ABAT: variants seen among roughly 807,000 people sequenced by gnomAD.
The protein encoded by ABAT is 4-aminobutyrate aminotransferase, mitochondrial.
ABAT carries 45 observed loss-of-function variants against 64.6 expected under a neutral mutation model. That is an observed-to-expected ratio of 0.70 (90% CI 0.55 to 0.89). The LOEUF is 0.89. Among genes scored for constraint, ABAT ranks in the 40% least tolerant of loss-of-function variants. The pLI is 0.00. For missense variants in ABAT, 633 were observed against 658.4 expected (o/e 0.96, Z 0.42); for synonymous variants, 297 against 250.5 (o/e 1.19, Z -1.75).
At chr16:8,742,927 G>A (rs914051923) in intron 2 of ABAT, among the ~76,000 whole-genome samples, 7 of 146,956 alleles carry the variant, frequency 4.8e-5, no homozygotes, top group Admixed American at 3.4e-4. Flanking sequence ...TCCTAGCTAC[G>A]TGGGAGGCTG....
intron 1 of ABAT, among the ~76,000 whole-genome samples, chr16:8,708,362 T>C (rs946764577): frequency 1.3e-5 from 2 of 152,134 alleles, no homozygotes; most frequent in African/African-American, 4.8e-5. Flanking sequence ...TCTTTCTGCC[T>C]CAGCCTCCCA....
At chr16:8,714,516 T>G (rs1260007708) in intron 1 of ABAT, 4 of 152,282 alleles carry the variant, frequency 2.6e-5, no homozygotes, top group African/African-American at 9.6e-5. Flanking sequence ...TTTTGAATTT[T>G]TTCCCAGAAG....
chr16:8,776,449 C>T lies in ABAT; in HGVS notation c.1228C>T (p.His410Tyr), dbSNP rs1334817628. 2 of 1,614,076 alleles carry T rather than the reference C, an allele frequency of 1.2e-6. No individual in the cohort carries two copies. The highest frequency in any genetic ancestry group is 1.3e-5 in the African/African-American group (1 of 74,926). Residue 410 changes from histidine to tyrosine, a missense_variant, in exon 14 of 16, where the codon CAT becomes TAT. His to Tyr is a moderately conservative substitution (Grantham distance 83). Transcript: ENST00000268251. This position sits in a 1 kb window ranked among gnomAD's most constrained non-coding sequence, Gnocchi z 4.4. ...GGAGGACCTGCTAAATAATGCAGCC[C>T]ATGCCGGGAAGGCCCTGCTCACAGG... is the stretch of plus-strand genomic sequence containing the variant. ...KREDLLNNAAHAGKALLTGLL... is the reference protein window; with the variant it reads ...KREDLLNNAAYAGKALLTGLL...
At chr16:8,759,666 C>A (rs1022820884) in intron 6 of ABAT, among the ~76,000 whole-genome samples, 3 of 152,312 alleles carry the variant, frequency 2.0e-5, no homozygotes, top group Middle Eastern at 3.4e-3. Context: ...GTGCCCACCA[C>A]CATGCCCAGC....
intron 1 of ABAT, among the ~76,000 whole-genome samples, chr16:8,679,977 C>T (rs1220545361): frequency 1.3e-5 from 2 of 152,096 alleles, no homozygotes; most frequent in Non-Finnish European, 2.9e-5. Context: ...ATCATGTGGC[C>T]TCTAATTACA....
At chr16:8,711,241 TTTCA>T (rs2142082064) in intron 1 of ABAT, among the ~76,000 whole-genome samples, 1 of 152,248 alleles carries the variant, frequency 6.6e-6, no homozygotes, top group South Asian at 2.1e-4. Context: ...TGGCCAAATA[TTTCA>T]TGATAAAAAT....
intron 2 of ABAT, among the ~76,000 whole-genome samples, chr16:8,739,335 T>A (rs10153069): frequency 6.6e-6 from 1 of 152,168 alleles, no homozygotes; most frequent in African/African-American, 2.4e-5. Context: ...CTAACCGATA[T>A]ACCTTATCCA....
intron 1 of ABAT, among the ~76,000 whole-genome samples, chr16:8,693,927 C>T (rs775209173): frequency 1.2e-4 from 19 of 152,182 alleles, no homozygotes; most frequent in Non-Finnish European, 7.3e-5. Flanking sequence ...TTTTCCCCAA[C>T]GGCACCATCT....
At chr16:8,708,757 C>T (rs1275886856) in intron 1 of ABAT, among the ~76,000 whole-genome samples, 1 of 152,216 alleles carries the variant, frequency 6.6e-6, no homozygotes, top group African/African-American at 2.4e-5. Flanking sequence ...TTGGTTCAAA[C>T]TGCAGTTCCC....
chr16:8,734,251 A>G (rs1244466283), intron 1 of ABAT, among the ~76,000 whole-genome samples: 1 of 152,204 alleles, frequency 6.6e-6, no homozygotes, highest in Non-Finnish European at 1.5e-5. Context: ...TCCCCATTAT[A>G]ATGATGCCCT....
rs149812350 is a variant in ABAT at position 8,692,231 on chromosome 16, AT to A, written c.-42+17522del. ...CTTTGTCCCTACAGAAAATAAAAAA[AT>A]TAGCCAGGCACTGTGGTTCATGCTT... On this transcript the variant is annotated intron_variant, in intron 1 of 15. Coordinates refer to ENST00000268251, the MANE Select transcript of ABAT (RefSeq NM_020686.6). Among the ~76,000 whole-genome samples, 679 of 152,288 alleles carry A rather than the reference AT, an allele frequency of 4.5e-3. 3 individuals are homozygous for A. Among genetic ancestry groups the A allele is most frequent in the African/African-American group, 0.016 (651 of 41,552 alleles).
In ABAT at chr16:8,735,778, C is replaced by T. The variant is rs1250986833; in HGVS notation, c.39C>T (p.Ser13=). ...SMLLAQRLAC[S]FQHSYRLLVP... is the part of the protein sequence containing the mutation. ...TGCTCGCCCAGCGCCTGGCCTGCAG[C>T]TTCCAGCACAGCTACCGCCTGCTGG... The change falls in exon 2 of 16, where the codon AGC becomes AGT. Residue 13 remains serine, a synonymous_variant. Transcript: ENST00000268251. 5.0e-6 allele frequency: 8 copies of T among 1,607,858 alleles called. No individual in the cohort carries two copies. In the African/African-American group the frequency reaches 8.0e-5, roughly 16 times the overall value.
intron 1 of ABAT, among the ~76,000 whole-genome samples, chr16:8,677,160 G>A (rs2057223870): frequency 6.6e-6 from 1 of 152,098 alleles, no homozygotes; most frequent in Non-Finnish European, 1.5e-5. Context: ...ATATCCTTGG[G>A]GTAAAATGAG....
chr16:8,751,444 GGAGGA>G (rs1296909903), intron 5 of ABAT, among the ~76,000 whole-genome samples: 1 of 152,090 alleles, frequency 6.6e-6, no homozygotes, highest in Non-Finnish European at 1.5e-5. Flanking sequence ...AGGAGAAAGG[GGAGGA>G]AAGGAAACAG....
rs2059690063 is a variant in ABAT at position 8,757,818 on chromosome 16, G to A, written c.366+12G>A. 1.2e-6 allele frequency: 2 copies of A among 1,613,736 alleles called. No homozygotes were observed. The highest frequency in any genetic ancestry group is 1.7e-6 in the Non-Finnish European group (2 of 1,179,720). ...AGCCTCAAAATGCGGTAGGTCTTGGGGTTACACAGAAGAAAGACAAAATAT... is the reference window on the plus strand; with the variant it reads ...AGCCTCAAAATGCGGTAGGTCTTGGAGTTACACAGAAGAAAGACAAAATAT... On this transcript the variant is annotated intron_variant, in intron 6 of 15. Coordinates refer to ENST00000268251, the MANE Select transcript of ABAT (RefSeq NM_020686.6).
intron 1 of ABAT, among the ~76,000 whole-genome samples, chr16:8,714,286 T>G (rs1364116135): frequency 6.6e-6 from 1 of 152,196 alleles, no homozygotes. Flanking sequence ...AATAAATCCT[T>G]TCCCTTCGTT....
At chr16:8,753,206 G>T (rs1345249881) in intron 5 of ABAT, among the ~76,000 whole-genome samples, 2 of 151,114 alleles carry the variant, frequency 1.3e-5, no homozygotes. Context: ...CGATTCTCCT[G>T]CCTCAGCTTC....
chr16:8,773,182 C>T (rs1411326053), intron 12 of ABAT, among the ~76,000 whole-genome samples: 1 of 149,740 alleles, frequency 6.7e-6, no homozygotes, highest in African/African-American at 2.5e-5. Context: ...GACAGAGTCT[C>T]ACTCTGTTAC....
chr16:8,698,646 T>G (rs1488016751), intron 1 of ABAT, among the ~76,000 whole-genome samples: 2 of 152,282 alleles, frequency 1.3e-5, no homozygotes, highest in Non-Finnish European at 2.9e-5. Flanking sequence ...CTGGCTTTTA[T>G]GAATAGTGCT....
Sources: allele counts gnomAD v4.1 joint callset (sites outside exome capture counted in the v4.1 genomes callset), GRCh38; gene constraint gnomAD v4.1.1; non-coding constraint Gnocchi (gnomAD v3.1); transcripts MANE v1.5; gene names NCBI Gene and HGNC (gene_info 2026-07-23, HGNC 2026-07-21).